MUC5AC: variants seen among roughly 807,000 people sequenced by gnomAD.
The protein encoded by MUC5AC is mucin-5AC.
Under a neutral mutation model 169.7 loss-of-function variants are expected in MUC5AC, and 158 were observed. That is an observed-to-expected ratio of 0.93 (90% confidence interval 0.82 to 1.06). The LOEUF (loss-of-function observed/expected upper bound fraction) is 1.06, where lower values mean the gene tolerates loss of function less well. Among genes scored for constraint, MUC5AC ranks in the 50% least tolerant of loss-of-function variants. MUC5AC has a pLI of 0.00. For synonymous variants in MUC5AC, 1,975 were observed against 1,237.0 expected, an observed-to-expected ratio of 1.60 and a Z score of -12.52; for missense variants, 4,359 against 3,089.9, an observed-to-expected ratio of 1.41 and a Z score of -9.74.
chr11:1,180,938 C>T (rs1860803281), intron 28 of MUC5AC, among the ~76,000 whole-genome samples: 1 of 152,122 alleles, frequency 6.6e-6, no homozygotes, highest in Admixed American at 6.5e-5. Context: ...AGGGAGGGAC[C>T]TTGGGCTGAC....
rs1400173027 is a variant in MUC5AC, at chr11:1,171,245, C to G, written c.1871-1184C>G. ...ACCCACTCACCCATTCACTCATTCA[C>G]CCACTCATCCACTCACCCACTCACT... On this transcript the variant is annotated intron_variant, in intron 15 of 48. Transcript: ENST00000621226. 9.9e-4 allele frequency among the ~76,000 whole-genome samples: 144 copies of G among 145,248 alleles called. 1 individual carries two copies. The highest frequency in any genetic ancestry group is 1.7e-3 in the Non-Finnish European group (110 of 66,212).
At chr11:1,200,048 A>G in intron 48 of MUC5AC, 79 bp downstream of exon 48, 1 of 649,928 alleles carries the variant, frequency 1.5e-6, no homozygotes. Context: ...TAGGTGCCAG[A>G]TAGACGAGGG....
rs776698434 is a variant in MUC5AC at position 1,195,952 on chromosome 11, A to G, written c.15535A>G (p.Thr5179Ala). ...EGCVFDRCHM[T>A]DLDVVCSSLE... ...CTGCGTCTTTGACCGGTGCCACATG[A>G]CGGACCTGGATGTGGTGTGCTCCAG... Residue 5179 changes from threonine (T) to alanine (A), a missense_variant, in exon 37 of 49, where the codon ACG becomes GCG. Transcript: ENST00000621226. The G allele has an allele frequency of 1.3e-6, 1 of 764,866 alleles. No homozygotes were observed. Among genetic ancestry groups the G allele is most frequent in the South Asian group, 1.3e-5 (1 of 74,620 alleles). 47.4% of individuals were successfully genotyped at this position (764,866 alleles called of 1,614,324 possible).
At chr11:1,175,876 C>T (rs2133743647) in intron 19 of MUC5AC, among the ~76,000 whole-genome samples, 1 of 81,648 alleles carries the variant, frequency 1.2e-5, no homozygotes, top group East Asian at 3.5e-4. Context: ...CACACATCCA[C>T]TCATGCACAT....
chr11:1,194,872 G>A (rs552954309), intron 35 of MUC5AC, 140 bp from the exon 36 acceptor site: 26 of 617,158 alleles, frequency 4.2e-5, no homozygotes, highest in South Asian at 4.0e-4. Flanking sequence ...GGTTGTTCTC[G>A]GGGGACAGTG....
rs1590145587 is a variant in MUC5AC at position 1,185,813 on chromosome 11, A to C, written c.7668A>C (p.Thr2556=). ...CAACCTCTGCCCCTATAAGCAGCAC[A>C]ACCTCTGCCACTACAACCAGCACAA... ...TSTTSAPISS[T]TSATTTSTTS... is the part of the protein sequence containing the mutation. Residue 2556 remains threonine (T), a synonymous_variant, in exon 31 of 49, where the codon ACA becomes ACC. Coordinates refer to ENST00000621226, the MANE Select transcript of MUC5AC (RefSeq NM_001304359.2). The C allele has an allele frequency of 9.4e-6, 7 of 745,296 alleles. No homozygotes were observed. The highest frequency in any genetic ancestry group is 1.5e-5 in the Non-Finnish European group (6 of 408,432). 46.2% of individuals were successfully genotyped at this position (745,296 alleles called of 1,614,324 possible).
Position 1,188,483 on chromosome 11 carries a change from A to C in MUC5AC, c.10338A>C (p.Thr3446=). The C allele has an allele frequency of 1.5e-6, 1 of 664,852 alleles. No individual in the cohort carries two copies. Among genetic ancestry groups the C allele is most frequent in the Admixed American group, 2.0e-5 (1 of 49,158 alleles). The allele number at this position is 664,852 out of a possible 1,614,324, so 41.2% of individuals were successfully genotyped here. ...TSTTSSPTTS[T]TSATTTSTTS... Reference sequence around the variant, plus strand: ...CAACCTCTTCCCCTACAACCAGCACAACCTCTGCTACTACAACCAGCACAA... The same window carrying C: ...CAACCTCTTCCCCTACAACCAGCACCACCTCTGCTACTACAACCAGCACAA... Residue 3446 remains threonine, a synonymous_variant, in exon 31 of 49, where the codon ACA becomes ACC. Coordinates refer to ENST00000621226, the MANE Select transcript of MUC5AC (RefSeq NM_001304359.2).
chr11:1,194,547 C>T lies in MUC5AC; in HGVS notation c.15067C>T (p.Arg5023Cys), dbSNP rs563588380. ...CCGGAAAAACGGCATCGTGGTCTCG[C>T]GCATCGGCGTCAAGATGTACGCGAC... ...GFRKNGIVVS[R>C]IGVKMYATIP... is the part of the protein sequence containing the mutation. The change falls in exon 35 of 49, where the codon CGC becomes TGC. Residue 5023 changes from arginine (R) to cysteine (C), a missense_variant. Transcript: ENST00000621226. 1.2e-5 allele frequency: 9 copies of T among 763,964 alleles called. No homozygotes were observed. The highest frequency in any genetic ancestry group is 2.3e-4 in the Middle Eastern group (1 of 4,438). The allele number at this position is 763,964 out of a possible 1,614,324, so 47.3% of individuals were successfully genotyped here. A position where few individuals can be genotyped will look rare whatever the true frequency, so the allele number is the denominator to read the frequency against.
chr11:1,197,280 C>G (rs981623181), intron 40 of MUC5AC, among the ~76,000 whole-genome samples, 188 bp from the exon 41 acceptor site: 1 of 152,218 alleles, frequency 6.6e-6, no homozygotes, highest in Non-Finnish European at 1.5e-5. Context: ...AGCCTGCCCA[C>G]CTTGCAGAGC....
Position 1,197,520 on chromosome 11 carries a change from C to T in MUC5AC, c.15914C>T (p.Thr5305Met), listed in dbSNP as rs555320032. ...DCQECTCEAA[T>M]WTLTCRPKLC... ...CAGGAGTGCACGTGTGAGGCGGCCA[C>T]GTGGACGCTGACCTGCCGACCCAAG... The change falls in exon 41 of 49, where the codon ACG becomes ATG. Residue 5305 changes from threonine (T) to methionine (M), a missense_variant. Thr to Met is a moderately conservative substitution (Grantham distance 81). Transcript: ENST00000621226. The T allele has an allele frequency of 2.7e-4, 197 of 716,648 alleles. No individual in the cohort carries two copies. The highest frequency in any genetic ancestry group is 3.0e-5 in the Non-Finnish European group (12 of 394,610). The allele number at this position is 716,648 out of a possible 1,614,324, so 44.4% of individuals were successfully genotyped here.
At position 1,181,153 on chromosome 11, in the gene MUC5AC, G is replaced by A. The variant is rs893897053; in HGVS notation, c.3791G>A (p.Arg1264His). The change falls in exon 29 of 49, where the codon CGC becomes CAC. Residue 1264 changes from arginine to histidine, a missense_variant. Transcript: ENST00000621226. ...KNCQSCLCTE[R>H]GVECTYKAEA... Reference sequence around the variant, plus strand: ...CTTGTCTCCAGCCTTTGTACGGAGCGCGGCGTGGAGTGCACCTACAAAGCT... The same window carrying A: ...CTTGTCTCCAGCCTTTGTACGGAGCACGGCGTGGAGTGCACCTACAAAGCT... 1.5e-3 allele frequency: 599 copies of A among 398,552 alleles called. 10 individuals are homozygous for A. The highest frequency in any genetic ancestry group is 0.011 in the African/African-American group (551 of 48,718). The allele number at this position is 398,552 out of a possible 1,614,324, so 24.7% of individuals were successfully genotyped here.
intron 15 of MUC5AC, among the ~76,000 whole-genome samples, chr11:1,170,794 C>CACCT (rs2133733142): frequency 6.7e-6 from 1 of 148,266 alleles, no homozygotes; most frequent in East Asian, 2.0e-4. Context: ...CCTATTCACT[C>CACCT]ACTCACTCAC....
Position 1,181,455 on chromosome 11 carries a change from G to A in MUC5AC, c.4005G>A (p.Pro1335=), listed in dbSNP as rs898225521. Residue 1335 remains proline, a synonymous_variant, in exon 30 of 49, where the codon CCG becomes CCA. Coordinates refer to ENST00000621226, the MANE Select transcript of MUC5AC (RefSeq NM_001304359.2). ...CCACCTTCTCCTTCTCCACACCCCC[G>A]CTTGGTAAGGCAAATGTGGCCGAGG... The part of the protein sequence containing the change: ...PPTTFSFSTP[P]LVVSSTHTPS... The A allele has an allele frequency of 2.9e-5, 7 of 242,058 alleles. No individual in the cohort carries two copies. Among genetic ancestry groups the A allele is most frequent in the South Asian group, 2.8e-4 (1 of 3,636 alleles). The allele number at this position is 242,058 out of a possible 1,614,324, so 15.0% of individuals were successfully genotyped here. A position where few individuals can be genotyped will look rare whatever the true frequency, so the allele number is the denominator to read the frequency against.
intron 36 of MUC5AC, among the ~76,000 whole-genome samples, chr11:1,195,528 G>C (rs1263097141): frequency 3.3e-5 from 5 of 152,112 alleles, no homozygotes; most frequent in Non-Finnish European, 5.9e-5. Context: ...CACCAGGGTT[G>C]GCCGGCTGGG....
Position 1,184,740 on chromosome 11 carries a change from G to A in MUC5AC, c.6595G>A (p.Gly2199Arg). The change falls in exon 31 of 49, where the codon GGA becomes AGA. Residue 2199 changes from glycine to arginine, a missense_variant. Gly to Arg is a moderately radical substitution (Grantham distance 125). Coordinates refer to ENST00000621226, the MANE Select transcript of MUC5AC (RefSeq NM_001304359.2). ...GGTGTGCCGGAACCAGGACCAGCAG[G>A]GACCCTTCAAGATGTGCCTCAACTA... ...GLVCRNQDQQGPFKMCLNYEV... is the reference protein window; with the variant it reads ...GLVCRNQDQQRPFKMCLNYEV... 1 of 638,474 alleles carries A rather than the reference G, an allele frequency of 1.6e-6. No homozygotes were observed. The highest frequency in any genetic ancestry group is 2.8e-6 in the Non-Finnish European group (1 of 355,842). The allele number at this position is 638,474 out of a possible 1,614,324, so 39.6% of individuals were successfully genotyped here.
intron 14 of MUC5AC, 24 bp from the exon 15 acceptor site, chr11:1,168,838 T>C: frequency 6.3e-7 from 1 of 1,580,794 alleles, no homozygotes. Context: ...CGCATGGTCC[T>C]CAACCTGCCT....
chr11:1,183,958 G>A lies in MUC5AC; in HGVS notation c.5813G>A (p.Ser1938Asn), dbSNP rs1860870000. ...TTAPGTSVVSSKPTPTEPSTS... is the reference protein window; with the variant it reads ...TTAPGTSVVSNKPTPTEPSTS... Reference sequence around the variant, plus strand: ...GCCCCGGGGACCTCTGTGGTCTCCAGCAAGCCCACCCCCACGGAGCCCAGC... The same window carrying A: ...GCCCCGGGGACCTCTGTGGTCTCCAACAAGCCCACCCCCACGGAGCCCAGC... Residue 1938 changes from serine to asparagine, a missense_variant, in exon 31 of 49, where the codon AGC becomes AAC. Transcript: ENST00000621226. 1 of 395,832 alleles carries A rather than the reference G, an allele frequency of 2.5e-6. No individual in the cohort carries two copies. Among genetic ancestry groups the A allele is most frequent in the Non-Finnish European group, 4.4e-6 (1 of 227,670 alleles). 24.5% of individuals were successfully genotyped at this position (395,832 alleles called of 1,614,324 possible).
At chr11:1,178,961 G>A (rs1860748056) in intron 25 of MUC5AC, 131 bp from the exon 26 acceptor site, 2 of 441,290 alleles carry the variant, frequency 4.5e-6, no homozygotes, top group Non-Finnish European at 8.1e-6. Flanking sequence ...CGGCCACTTG[G>A]GGATGGGCAT....
At chr11:1,173,167 T>C (rs1198896616) in intron 16 of MUC5AC, among the ~76,000 whole-genome samples, 1 of 151,610 alleles carries the variant, frequency 6.6e-6, no homozygotes, top group Non-Finnish European at 1.5e-5. Context: ...TTCCTTCACC[T>C]ACTCATCTAC....
Sources: gnomAD v4.1 joint callset for allele counts (sites outside exome capture counted in the v4.1 genomes callset) on GRCh38, gnomAD v4.1.1 for gene constraint, MANE v1.5 for transcripts, NCBI Gene and HGNC (gene_info 2026-07-23, HGNC 2026-07-21) for gene names.